The following BRCA1 variants were observed in gnomAD, a reference collection of about 807,000 sequenced individuals.
BRCA1 encodes the protein BRCA1 DNA repair associated, also known as breast cancer type 1 susceptibility protein.
A neutral mutation model predicts 173.7 loss-of-function variants in BRCA1; 140 were observed. The ratio of observed to expected loss-of-function variants is 0.81; its 90% confidence interval spans 0.70 to 0.93. BRCA1 has a LOEUF of 0.93. Ranked by LOEUF, BRCA1 falls within the 40% of genes least tolerant of loss-of-function variation. The pLI, the probability that BRCA1 is intolerant of heterozygous loss-of-function variation, is 0.00. For missense variants in BRCA1, 1,983 were observed against 2,172.5 expected, an observed-to-expected ratio of 0.91 and a Z score of 1.73; for synonymous variants, 662 against 756.0, an observed-to-expected ratio of 0.88 and a Z score of 2.04.
rs879255498 is a variant in BRCA1, at chr17:43,094,606, T to C, written c.925A>G (p.Lys309Glu). Residue 309 changes from lysine to glutamate, a missense_variant, in exon 10 of 23, where the codon AAA becomes GAA. Transcript: ENST00000357654. ...TGGCTCCTTGCTAAGCCAGGCTGTT[T>C]GCTTTTATTACAGAATTCAGCCTTT... is the stretch of plus-strand genomic sequence containing the variant. ...VEKAEFCNKS[K>E]QPGLARSQHN... 1.2e-6 allele frequency: 2 copies of C among 1,614,086 alleles called. No individual in the cohort carries two copies. Among genetic ancestry groups the C allele is most frequent in the Admixed American group, 1.7e-5 (1 of 60,006 alleles).
At chr17:43,163,679 G>T (rs1433200685) in intron 1 of BRCA1, 1 of 152,200 alleles carries the variant, frequency 6.6e-6, no homozygotes, top group African/African-American at 2.4e-5. Context: ...CAGTTATTTG[G>T]CAGAGTGCCC....
In BRCA1 at chr17:43,094,297, C is replaced by G. The variant is rs587776478; in HGVS notation, c.1234G>C (p.Val412Leu). ...ESESNAKVADVLDVLNEVDEY... is the reference protein window; with the variant it reads ...ESESNAKVADLLDVLNEVDEY... ...TCTACCTCATTTAGAACGTCCAATA[C>G]ATCAGCTACTTTGGCATTTGATTCA... The change falls in exon 10 of 23, where the codon GTA becomes CTA. Residue 412 changes from valine to leucine, a missense_variant. Coordinates refer to ENST00000357654, the MANE Select transcript of BRCA1 (RefSeq NM_007294.4). 1 of 1,614,180 alleles carries G rather than the reference C, an allele frequency of 6.2e-7. No individual in the cohort carries two copies. The highest frequency in any genetic ancestry group is 8.5e-7 in the Non-Finnish European group (1 of 1,180,036).
In BRCA1 at chr17:43,091,018, C is replaced by G. The variant is rs774593602; in HGVS notation, c.4111G>C (p.Gly1371Arg). 1 of 1,612,618 alleles carries G rather than the reference C, an allele frequency of 6.2e-7. No homozygotes were observed. Among genetic ancestry groups the G allele is most frequent in the Non-Finnish European group, 8.5e-7 (1 of 1,179,458 alleles). ...GAGACGCTTGTTTCACTCTCACACC[C>G]AGATGCTGCTTCACCTTAAATAACA... Reference protein sequence around the residue: ...MDSNLGEAASGCESETSVSED... With the variant: ...MDSNLGEAASRCESETSVSED... The change falls in exon 11 of 23, where the codon GGG becomes CGG. Residue 1371 changes from glycine (G) to arginine (R), a missense_variant. Coordinates refer to ENST00000357654, the MANE Select transcript of BRCA1 (RefSeq NM_007294.4).
intron 22 of BRCA1, among the ~76,000 whole-genome samples, chr17:43,047,166 C>T (rs983855647): frequency 3.3e-5 from 5 of 151,998 alleles, no homozygotes; most frequent in Non-Finnish European, 7.4e-5. Context: ...GTGGTGTGAT[C>T]GTGGCTCACT....
rs750463455 is a variant in BRCA1, at chr17:43,124,146, A to C, written c.-19-31T>G. On this transcript the variant is annotated intron_variant, in intron 1 of 22. Coordinates refer to ENST00000357654, the MANE Select transcript of BRCA1 (RefSeq NM_007294.4). ...ACACATTAGAAAAACATATATATATATCTTTTTAAAAGGTTTATAAAATGA... is the reference window on the plus strand; with the variant it reads ...ACACATTAGAAAAACATATATATATCTCTTTTTAAAAGGTTTATAAAATGA... 40 of 1,221,772 alleles carry C rather than the reference A, an allele frequency of 3.3e-5. No individual in the cohort carries two copies. The highest frequency in any genetic ancestry group is 1.9e-4 in the South Asian group (14 of 75,080). The allele number at this position is 1,221,772 out of a possible 1,614,324, so 75.7% of individuals were successfully genotyped here.
chr17:43,166,569 T>G (rs952685426), intron 1 of BRCA1: 1 of 152,186 alleles, frequency 6.6e-6, no homozygotes, highest in African/African-American at 2.4e-5. Flanking sequence ...GTCAACATAG[T>G]TCCTAGTGGG....
intron 21 of BRCA1, among the ~76,000 whole-genome samples, chr17:43,048,617 C>A (rs191994609): frequency 2.0e-5 from 3 of 151,630 alleles, no homozygotes; most frequent in African/African-American, 7.3e-5. Flanking sequence ...CACGTTCAAG[C>A]GATGCTCACA....
At chr17:43,166,049 T>A (rs2056264623) in intron 1 of BRCA1, 1 of 151,810 alleles carries the variant, frequency 6.6e-6, no homozygotes, top group Non-Finnish European at 1.5e-5. Context: ...TAACTTTGTA[T>A]CTCTCTCTCT....
chr17:43,157,341 A>C (rs1231516505), intron 1 of BRCA1, among the ~76,000 whole-genome samples: 2 of 149,016 alleles, frequency 1.3e-5, no homozygotes, highest in African/African-American at 4.9e-5. Context: ...ACTGTATTAA[A>C]AGGAAGTGAA....
At chr17:43,084,633 C>T (rs1335566947) in intron 11 of BRCA1, among the ~76,000 whole-genome samples, 3 of 152,162 alleles carry the variant, frequency 2.0e-5, no homozygotes, top group Non-Finnish European at 4.4e-5. Flanking sequence ...CTTTCTCCTG[C>T]TACACTGAGT....
At chr17:43,128,734 T>A (rs536190253), upstream of BRCA1, among the ~76,000 whole-genome samples, 2 of 152,144 alleles carry the variant, frequency 1.3e-5, no homozygotes, top group Non-Finnish European at 2.9e-5. Flanking sequence ...CGAGACCCCG[T>A]TAAAGAGATC....
chr17:43,083,782 G>A lies in BRCA1; in HGVS notation c.4186-1207C>T, dbSNP rs8067269. ...GTTTATTGGTCCATTTCAAAGAAGA[G>A]TGTGCTAAGTCCAAGTATTTGATAA... On this transcript the variant is annotated intron_variant, in intron 11 of 22. Transcript: ENST00000357654. Among the ~76,000 whole-genome samples the A allele has an allele frequency of 0.51, 77,950 of 152,138 alleles. 23,913 individuals carry two copies. Among genetic ancestry groups the A allele is most frequent in the African/African-American group, 0.87 (36,138 of 41,538 alleles).
Position 43,070,930 on chromosome 17 carries a change from A to C in BRCA1, c.4984T>G (p.Phe1662Val), listed in dbSNP as rs2052354206. ...GAGATACATATGGATACACTCACAA[A>C]TTCTTCTGGGGTCAGGCCAGACACC... ...MVVSGLTPEEFMLVYKFARKH... is the reference protein window; with the variant it reads ...MVVSGLTPEEVMLVYKFARKH... Residue 1662 changes from phenylalanine to valine, a missense_variant and splice_region_variant, in exon 15 of 23, where the codon TTT becomes GTT. Coordinates refer to ENST00000357654, the MANE Select transcript of BRCA1 (RefSeq NM_007294.4). 6.2e-7 allele frequency: 1 copy of C among 1,614,154 alleles called. No individual in the cohort carries two copies. Among genetic ancestry groups the C allele is most frequent in the Non-Finnish European group, 8.5e-7 (1 of 1,180,032 alleles).
rs80357284 is a variant in BRCA1 at position 43,049,181 on chromosome 17, C to T, written c.5346G>A (p.Trp1782Ter). 1 of 1,614,142 alleles carries T rather than the reference C, an allele frequency of 6.2e-7. No individual in the cohort carries two copies. The highest frequency in any genetic ancestry group is 1.7e-5 in the Admixed American group (1 of 60,022). Residue 1782 changes from tryptophan (W) to a stop codon, truncating the protein, a stop_gained, in exon 21 of 23, where the codon TGG becomes TGA. Transcript: ENST00000357654. LOFTEE classifies it high-confidence loss of function. ...CAGAAGCACCACACAGCTGTACCATCCATTCCAGTTGATCTAAAATGGACA... is the reference window on the plus strand; with the variant it reads ...CAGAAGCACCACACAGCTGTACCATTCATTCCAGTTGATCTAAAATGGACA... ...FTNMPTDQLE[W>*]MVQLCGASVV...
At chr17:43,119,420 C>G (rs1028577879) in intron 2 of BRCA1, among the ~76,000 whole-genome samples, 1 of 152,136 alleles carries the variant, frequency 6.6e-6, no homozygotes, top group Non-Finnish European at 1.5e-5. Flanking sequence ...AGTCAGGAGG[C>G]TGGGTTTCTA....
At chr17:43,143,035 T>C (rs548140950) in intron 1 of BRCA1, among the ~76,000 whole-genome samples, 18 of 149,692 alleles carry the variant, frequency 1.2e-4, no homozygotes, top group South Asian at 8.4e-4. Context: ...TATATGTGTG[T>C]ATATATATGT....
At chr17:43,087,328 A>G (rs1279939466) in intron 11 of BRCA1, among the ~76,000 whole-genome samples, 3 of 152,212 alleles carry the variant, frequency 2.0e-5, no homozygotes, top group East Asian at 3.8e-4. Context: ...CTGGAAAGAT[A>G]GAATCCCATA....
chr17:43,135,220 G>A (rs746764479), intron 1 of BRCA1, among the ~76,000 whole-genome samples: 5 of 152,244 alleles, frequency 3.3e-5, no homozygotes, highest in South Asian at 2.1e-4. Context: ...TGGTGCAGCC[G>A]TTGCTTCAGC....
chr17:43,118,733 G>A (rs1040900059), intron 2 of BRCA1, among the ~76,000 whole-genome samples: 2 of 151,322 alleles, frequency 1.3e-5, no homozygotes, highest in African/African-American at 2.4e-5. Context: ...TACTATACCC[G>A]GCCTTTAGCT....
Sources: gnomAD v4.1 joint callset for allele counts (sites outside exome capture counted in the v4.1 genomes callset) on GRCh38, gnomAD v4.1.1 for gene constraint, MANE v1.5 for transcripts, NCBI Gene and HGNC (gene_info 2026-07-23, HGNC 2026-07-21) for gene names.